AGBL4: variants seen among roughly 807,000 people sequenced by gnomAD.
AGBL4 encodes the protein cytosolic carboxypeptidase 6.
A neutral mutation model predicts 66.4 loss-of-function variants in AGBL4; 58 were observed. The ratio of observed to expected loss-of-function variants is 0.87; its 90% CI spans 0.71 to 1.09. The LOEUF (loss-of-function observed/expected upper bound fraction) is 1.09, where lower values mean the gene tolerates loss of function less well. AGBL4 is among the 50% of genes least tolerant of loss of function. The pLI is 0.00. For missense variants in AGBL4, 579 were observed against 631.0 expected (o/e 0.92, Z 0.88); for synonymous variants, 234 against 222.9 (o/e 1.05, Z -0.44).
chr1:49,357,736 A>G (rs1192544913), intron 3 of AGBL4, among the ~76,000 whole-genome samples: 1 of 152,192 alleles, frequency 6.6e-6, no homozygotes, highest in Non-Finnish European at 1.5e-5. Flanking sequence ...TTCGTCTGTA[A>G]ACAGGAAATA....
In AGBL4 at chr1:48,546,864, AACACACACACAC is replaced by A. The variant is rs58136623; in HGVS notation, c.1268-7138_1268-7127del. ...AAATAGCGAGGTAGTAAAACAAACAAACACACACACACACACACACACACACACACACACATA... is the reference window on the plus strand; with the variant it reads ...AAATAGCGAGGTAGTAAAACAAACAAACACACACACACACACACACACATA... On this transcript the variant is annotated intron_variant, in intron 11 of 13. Coordinates refer to ENST00000371839, the MANE Select transcript of AGBL4 (RefSeq NM_032785.4). Among the ~76,000 whole-genome samples the A allele has an allele frequency of 2.3e-5, 3 of 128,298 alleles. No homozygotes were observed. The East Asian group carries it at 6.8e-4, about 29-fold the overall frequency. 84.2% of individuals were successfully genotyped at this position (128,298 alleles called of 152,430 possible).
chr1:49,918,777 C>T (rs1443510839), intron 1 of AGBL4, among the ~76,000 whole-genome samples: 1 of 151,870 alleles, frequency 6.6e-6, no homozygotes, highest in Non-Finnish European at 1.5e-5. Context: ...GGCAGAGACA[C>T]AAAAAAAGAG....
chr1:49,228,270 C>T (rs978793206), intron 4 of AGBL4, among the ~76,000 whole-genome samples: 28 of 152,078 alleles, frequency 1.8e-4, no homozygotes, highest in Admixed American at 1.7e-3. Context: ...AATACACAAA[C>T]GAAAGATTTC....
At chr1:49,394,862 C>CA (rs965640388) in intron 3 of AGBL4, among the ~76,000 whole-genome samples, 2 of 152,148 alleles carry the variant, frequency 1.3e-5, no homozygotes, top group Non-Finnish European at 1.5e-5. Flanking sequence ...CCTGGACCCA[C>CA]AGCACAGAAA....
At chr1:49,087,123 A>T (rs761187704) in intron 4 of AGBL4, among the ~76,000 whole-genome samples, 6 of 152,166 alleles carry the variant, frequency 3.9e-5, no homozygotes, top group Non-Finnish European at 8.8e-5. Flanking sequence ...AGGGAACATC[A>T]GCCCACACAG....
chr1:49,926,896 T>C (rs1652832710), intron 1 of AGBL4, among the ~76,000 whole-genome samples: 1 of 151,576 alleles, frequency 6.6e-6, no homozygotes, highest in South Asian at 2.1e-4. Flanking sequence ...TATTAAGGAG[T>C]ATTAATTCAC....
At chr1:49,318,425 T>TGATGAC (rs1553182471) in intron 3 of AGBL4, among the ~76,000 whole-genome samples, 8 of 148,298 alleles carry the variant, frequency 5.4e-5, no homozygotes, top group East Asian at 2.0e-4. Flanking sequence ...ATGATGATGA[T>TGATGAC]GACGGCAATG....
intron 5 of AGBL4, among the ~76,000 whole-genome samples, chr1:48,905,272 T>G (rs1652476571): frequency 6.6e-6 from 1 of 152,208 alleles, no homozygotes; most frequent in Non-Finnish European, 1.5e-5. Context: ...TCCAAGAAGT[T>G]TATTTGTATG....
intron 2 of AGBL4, among the ~76,000 whole-genome samples, chr1:49,766,984 G>T (rs1430773085): frequency 6.6e-6 from 1 of 152,020 alleles, no homozygotes; most frequent in African/African-American, 2.4e-5. Context: ...AAAAGTATTA[G>T]ACAGCCAAAC....
intron 5 of AGBL4, among the ~76,000 whole-genome samples, chr1:49,008,790 C>T (rs1173570611): frequency 1.1e-4 from 16 of 148,782 alleles, no homozygotes; most frequent in South Asian, 8.9e-4. Flanking sequence ...GGGTACATAA[C>T]GAAATGAAGG....
intron 4 of AGBL4, among the ~76,000 whole-genome samples, chr1:49,217,577 C>A (rs1159982750): frequency 6.6e-6 from 1 of 152,102 alleles, no homozygotes; most frequent in African/African-American, 2.4e-5. Context: ...CACTTGTTTA[C>A]ATGTATCTTA....
intron 3 of AGBL4, among the ~76,000 whole-genome samples, chr1:49,420,231 T>G (rs542528955): frequency 1.5e-3 from 235 of 152,298 alleles, no homozygotes; most frequent in Middle Eastern, 3.4e-3. Flanking sequence ...AGGCATGACA[T>G]GTGAAGTCAG....
intron 1 of AGBL4, among the ~76,000 whole-genome samples, chr1:50,009,100 TG>T (rs1661342044): frequency 6.6e-6 from 1 of 152,058 alleles, no homozygotes; most frequent in Admixed American, 6.5e-5. Context: ...CCTACTATTT[TG>T]AAAAACAGAG....
chr1:49,878,255 G>T (rs1241304144), intron 1 of AGBL4, among the ~76,000 whole-genome samples: 1 of 149,282 alleles, frequency 6.7e-6, no homozygotes, highest in Non-Finnish European at 1.5e-5. Flanking sequence ...TGATCTTAGG[G>T]TGTCAATTTT....
At chr1:49,141,541 C>A (rs1646117992) in intron 4 of AGBL4, among the ~76,000 whole-genome samples, 1 of 151,966 alleles carries the variant, frequency 6.6e-6, no homozygotes, top group Non-Finnish European at 1.5e-5. Context: ...TCCTCAAATT[C>A]CTGCCAAGAC....
intron 11 of AGBL4, chr1:48,584,056 A>C (rs1223507024): frequency 6.6e-6 from 1 of 151,916 alleles, no homozygotes; most frequent in African/African-American, 2.4e-5. Context: ...CCTTCCAATC[A>C]CGAGCTCCCA....
At chr1:49,948,524 T>TATAAATATATAA (rs1655738426) in intron 1 of AGBL4, among the ~76,000 whole-genome samples, 2 of 83,804 alleles carry the variant, frequency 2.4e-5, no homozygotes, top group African/African-American at 4.1e-5. Context: ...AAAATATAAA[T>TATAAATATATAA]AAATATATAT....
intron 5 of AGBL4, among the ~76,000 whole-genome samples, chr1:48,945,159 C>T (rs573695876): frequency 1.5e-4 from 23 of 152,196 alleles, no homozygotes; most frequent in Non-Finnish European, 2.6e-4. Flanking sequence ...AGAGTTAAAA[C>T]CCTGACAATA....
At chr1:48,617,171 G>A (rs1389033463) in intron 9 of AGBL4, among the ~76,000 whole-genome samples, 2 of 152,154 alleles carry the variant, frequency 1.3e-5, no homozygotes, top group African/African-American at 4.8e-5. Context: ...CTTGACAGAA[G>A]AGAATTCATC....
Sources: allele counts gnomAD v4.1 joint callset (sites outside exome capture counted in the v4.1 genomes callset), GRCh38; gene constraint gnomAD v4.1.1; transcripts MANE v1.5; gene names NCBI Gene and HGNC (gene_info 2026-07-23, HGNC 2026-07-21).